Variants in EDNRB observed in about 807,000 individuals in gnomAD.
The protein encoded by EDNRB is endothelin receptor type B.
EDNRB carries 18 observed loss-of-function variants against 46.4 expected under a neutral mutation model. The ratio of observed to expected loss-of-function variants is 0.39; its 90% CI spans 0.27 to 0.57. EDNRB has a LOEUF of 0.57. EDNRB is among the 20% of genes least tolerant of loss of function. The pLI, the probability that EDNRB is intolerant of heterozygous loss-of-function variation, is 0.61. For synonymous variants in EDNRB, 213 were observed against 204.9 expected (o/e 1.04, Z -0.34); for missense variants, 434 against 537.5 (o/e 0.81, Z 1.90).
chr13:77,918,845 A>C, upstream of EDNRB: 1 of 1,300,282 alleles, frequency 7.7e-7, no homozygotes, highest in Admixed American at 3.6e-5. The surrounding 1 kb of genome is among the most constrained non-coding windows in gnomAD (Gnocchi z 4.5). Context: ...CCGCGTGGCC[A>C]GGAGGGGTAA....
At chr13:77,906,667 C>T (rs1879296818) in intron 1 of EDNRB, among the ~76,000 whole-genome samples, 1 of 152,010 alleles carries the variant, frequency 6.6e-6, no homozygotes. Flanking sequence ...ATAAGAGGAT[C>T]CTCCAGCTTT....
chr13:77,900,954 G>T, intron 4 of EDNRB, 104 bp downstream of exon 4: 6 of 1,359,970 alleles, frequency 4.4e-6, no homozygotes, highest in South Asian at 1.3e-5. Context: ...AAGGAAATAT[G>T]CTCTGGTATA....
At chr13:77,900,723 AC>A in intron 4 of EDNRB, 69 bp from the exon 5 acceptor site, 1 of 1,599,020 alleles carries the variant, frequency 6.3e-7, no homozygotes, top group Non-Finnish European at 8.5e-7. Context: ...ATCTTCTAAA[AC>A]GACATTTAAT....
chr13:77,906,061 G>A (rs1479584498), intron 1 of EDNRB, among the ~76,000 whole-genome samples: 3 of 151,908 alleles, frequency 2.0e-5, no homozygotes, highest in African/African-American at 4.8e-5. Flanking sequence ...GATCCTGTGC[G>A]CCCTGAGGCT....
chr13:77,944,684 T>C (rs1212577728), intron 1 of EDNRB: 1 of 151,928 alleles, frequency 6.6e-6, no homozygotes, highest in Non-Finnish European at 1.5e-5. Context: ...ATCATTAATT[T>C]AAAAAAAATG....
At chr13:77,934,681 G>GA (rs1880505511) in intron 1 of EDNRB, among the ~76,000 whole-genome samples, 1 of 33,960 alleles carries the variant, frequency 2.9e-5, no homozygotes, top group Non-Finnish European at 4.4e-5. Context: ...TGTAGGAAAG[G>GA]GGGGGGGGGG....
At chr13:77,933,140 C>T (rs939755361) in intron 1 of EDNRB, among the ~76,000 whole-genome samples, 5 of 152,158 alleles carry the variant, frequency 3.3e-5, no homozygotes, top group Non-Finnish European at 4.4e-5. Context: ...CTCATATGCC[C>T]ATTTCAAAAC....
chr13:77,951,427 A>C (rs1430248126), intron 1 of EDNRB, among the ~76,000 whole-genome samples: 1 of 152,176 alleles, frequency 6.6e-6, no homozygotes, highest in Non-Finnish European at 1.5e-5. Flanking sequence ...TAAATATCAA[A>C]TCTCAATCAG....
chr13:77,903,240 A>G lies in EDNRB; in HGVS notation c.717T>C (p.Gly239=). ...SVVLAVPEAI[G]FDIITMDYKG... The stretch of plus-strand genomic sequence containing the variant: ...TGTAGTCCATCGTAATTATATCAAA[A>G]CCTATGGCTTCAGGGACAGCCAGAA... The change falls in exon 3 of 7, where the codon GGT becomes GGC. Residue 239 remains glycine (G), a synonymous_variant. Coordinates refer to ENST00000646607, the MANE Select transcript of EDNRB (RefSeq NM_001122659.3). 1 of 1,613,094 alleles carries G rather than the reference A, an allele frequency of 6.2e-7. No homozygotes were observed.
In EDNRB at chr13:77,932,540, TC is replaced by T. The variant is rs1282897337; in HGVS notation, c.-51-13917del. Among the ~76,000 whole-genome samples, 12 of 152,304 alleles carry T rather than the reference TC, an allele frequency of 7.9e-5. No homozygotes were observed. The East Asian group carries it at 1.9e-3, about 24-fold the overall frequency. On this transcript the variant is annotated intron_variant, in intron 1 of 7. Coordinates refer to the EDNRB transcript ENST00000646948. The stretch of plus-strand genomic sequence containing the variant: ...TTAAACATGGTAATAATACTGAGGC[TC>T]AGAGAAGCCTGTGCCTATGGCTACA...
chr13:77,940,620 G>T (rs1259555856), intron 1 of EDNRB, among the ~76,000 whole-genome samples: 1 of 152,064 alleles, frequency 6.6e-6, no homozygotes, highest in Non-Finnish European at 1.5e-5. Context: ...GGCATGAGAA[G>T]CATGTATACT....
chr13:77,901,245 C>G, intron 3 of EDNRB, 38 bp from the exon 4 acceptor site: 1 of 1,601,050 alleles, frequency 6.2e-7, no homozygotes, highest in Non-Finnish European at 8.5e-7. Context: ...TAATACTCCT[C>G]TGTAAGAAAA....
At chr13:77,951,766 C>T (rs1167819382) in intron 1 of EDNRB, among the ~76,000 whole-genome samples, 1 of 152,128 alleles carries the variant, frequency 6.6e-6, no homozygotes, top group Non-Finnish European at 1.5e-5. Context: ...TGTCAAGTGT[C>T]CGTGCCTTTT....
At chr13:77,959,074 A>G (rs1594397713) in intron 1 of EDNRB, among the ~76,000 whole-genome samples, 1 of 152,212 alleles carries the variant, frequency 6.6e-6, no homozygotes, top group East Asian at 1.9e-4. Context: ...ATAGGCGATT[A>G]AAATAGAACA....
At chr13:77,971,012 G>C (rs760867398) in intron 1 of EDNRB, among the ~76,000 whole-genome samples, 5 of 152,148 alleles carry the variant, frequency 3.3e-5, no homozygotes, top group Non-Finnish European at 7.4e-5. Context: ...AGCAGGGCTT[G>C]TTGTCTTCTT....
intron 1 of EDNRB, among the ~76,000 whole-genome samples, chr13:77,938,567 G>A (rs1398382164): frequency 6.6e-6 from 1 of 152,176 alleles, no homozygotes; most frequent in Admixed American, 6.5e-5. Flanking sequence ...CGCGTGGTCA[G>A]ACACCTCTGA....
intron 1 of EDNRB, among the ~76,000 whole-genome samples, chr13:77,925,279 C>A (rs1438029761): frequency 1.3e-5 from 2 of 152,168 alleles, no homozygotes; most frequent in Non-Finnish European, 2.9e-5. Context: ...GTATATGCCA[C>A]ATTTATCATA....
chr13:77,902,788 T>A (rs1417380361), intron 3 of EDNRB, among the ~76,000 whole-genome samples: 3 of 152,026 alleles, frequency 2.0e-5, no homozygotes, highest in Admixed American at 6.6e-5. Flanking sequence ...AGACACAACC[T>A]TCTATAGAAG....
chr13:77,900,490 T>G, intron 5 of EDNRB, 31 bp downstream of exon 5: 1 of 1,611,642 alleles, frequency 6.2e-7, no homozygotes. Context: ...GGCATTTATT[T>G]ACAAAACCAT....
Sources: gnomAD v4.1 joint callset for allele counts (sites outside exome capture counted in the v4.1 genomes callset) on GRCh38, gnomAD v4.1.1 for gene constraint, Gnocchi (gnomAD v3.1) non-coding constraint, MANE v1.5 for transcripts, NCBI Gene and HGNC (gene_info 2026-07-23, HGNC 2026-07-21) for gene names.